Variants in RAB31 observed in about 807,000 individuals in gnomAD.
RAB31 encodes the protein RAB31, member RAS oncogene family.
A neutral mutation model predicts 25.6 loss-of-function variants in RAB31; 21 were observed. The ratio of observed to expected loss-of-function variants is 0.82; its 90% CI spans 0.58 to 1.18. The LOEUF is 1.18. RAB31 is among the 50% of genes most tolerant of loss of function. The pLI is 0.00. For synonymous variants in RAB31, 87 were observed against 84.0 expected, an observed-to-expected ratio of 1.04 and a Z score of -0.20; for missense variants, 196 against 250.1, an observed-to-expected ratio of 0.78 and a Z score of 1.46.
intron 5 of RAB31, among the ~76,000 whole-genome samples, chr18:9,832,505 C>T (rs558554247): frequency 2.6e-5 from 4 of 152,304 alleles, no homozygotes; most frequent in East Asian, 3.9e-4. Flanking sequence ...CAAGAAATTA[C>T]GAGACGGAAG....
intron 5 of RAB31, among the ~76,000 whole-genome samples, chr18:9,826,185 T>C (rs576236790): frequency 7.6e-6 from 1 of 130,808 alleles, no homozygotes; most frequent in East Asian, 2.6e-4. Flanking sequence ...AAGACCAGCC[T>C]GGCCAACATG....
chr18:9,768,586 C>G (rs1280137012), intron 1 of RAB31, among the ~76,000 whole-genome samples: 1 of 151,854 alleles, frequency 6.6e-6, no homozygotes, highest in African/African-American at 2.4e-5. Context: ...TTTGTAGATT[C>G]TGGATATTAG....
rs1050766532 is a variant in RAB31 at position 9,845,697 on chromosome 18, T to A, written c.490+6T>A. On this transcript the variant is annotated splice_donor_region_variant and intron_variant, in intron 6 of 6. Coordinates refer to ENST00000578921, the MANE Select transcript of RAB31 (RefSeq NM_006868.4). ...AGAGCTCTTTCAAGGAATCAGTAAGTACCTGAAATTGGGTTTTCAGCCCAA... is the reference window on the plus strand; with the variant it reads ...AGAGCTCTTTCAAGGAATCAGTAAGAACCTGAAATTGGGTTTTCAGCCCAA... 6.5e-7 allele frequency: 1 copy of A among 1,538,004 alleles called. No homozygotes were observed. The highest frequency in any genetic ancestry group is 8.7e-7 in the Non-Finnish European group (1 of 1,143,774).
intron 5 of RAB31, among the ~76,000 whole-genome samples, chr18:9,832,444 G>A (rs2068683577): frequency 6.6e-6 from 1 of 152,202 alleles, no homozygotes; most frequent in African/African-American, 2.4e-5. Context: ...GCAAACCGTG[G>A]ACGATCTGAA....
rs149782731 is a variant in RAB31 at position 9,712,818 on chromosome 18, A to G, written c.39+4374A>G. 1.5e-3 allele frequency among the ~76,000 whole-genome samples: 228 copies of G among 152,356 alleles called. 1 individual carries two copies. The highest frequency in any genetic ancestry group is 5.3e-3 in the African/African-American group (220 of 41,582). ...TTTGGACTTTGGTTGTCTTGACAAC[A>G]ATTTAGAAATTCCTACCACTTCCTC... On this transcript the variant is annotated intron_variant, in intron 1 of 6. Coordinates refer to ENST00000578921, the MANE Select transcript of RAB31 (RefSeq NM_006868.4).
Position 9,708,523 on chromosome 18 carries a change from C to A in RAB31, c.39+79C>A. 1 of 1,297,552 alleles carries A rather than the reference C, an allele frequency of 7.7e-7. No individual in the cohort carries two copies. Among genetic ancestry groups the A allele is most frequent in the South Asian group, 1.4e-5 (1 of 69,802 alleles). The allele number at this position is 1,297,552 out of a possible 1,614,324, so 80.4% of individuals were successfully genotyped here. On this transcript the variant is annotated intron_variant, in intron 1 of 6. Transcript: ENST00000578921. This position sits in a 1 kb window ranked among gnomAD's most constrained non-coding sequence, Gnocchi z 6.4. Reference sequence around the variant, plus strand: ...TTCGCTCCCCTATTCCCTGCGCGCTCAGTCCCCGTGATCCCCTCGCTCTCC... The same window carrying A: ...TTCGCTCCCCTATTCCCTGCGCGCTAAGTCCCCGTGATCCCCTCGCTCTCC...
chr18:9,765,269 T>C (rs940476023), intron 1 of RAB31, among the ~76,000 whole-genome samples: 2 of 152,210 alleles, frequency 1.3e-5, no homozygotes, highest in African/African-American at 4.8e-5. Flanking sequence ...GAGCTTTTTA[T>C]TGATACTGTG....
chr18:9,830,302 C>A (rs182171675), intron 5 of RAB31: 1 of 152,086 alleles, frequency 6.6e-6, no homozygotes, highest in East Asian at 1.9e-4. Context: ...AATGAAACAC[C>A]GCACCCAGTT....
chr18:9,800,468 G>A (rs922031684), intron 3 of RAB31, among the ~76,000 whole-genome samples: 2 of 152,110 alleles, frequency 1.3e-5, no homozygotes, highest in Non-Finnish European at 2.9e-5. Context: ...TGGCTCAGAC[G>A]GCCCCTCCCC....
chr18:9,782,010 G>C (rs986843129), intron 2 of RAB31, among the ~76,000 whole-genome samples: 4 of 152,182 alleles, frequency 2.6e-5, no homozygotes, highest in African/African-American at 9.6e-5. Flanking sequence ...TTGCATTCCT[G>C]GTTTCTCTTG....
In RAB31 at chr18:9,708,645, GCCCCTCGCTCTCCGCA is replaced by G. The variant is rs947328125; in HGVS notation, c.39+206_39+221del. 7.4e-5 allele frequency among the ~76,000 whole-genome samples: 11 copies of G among 149,308 alleles called. No individual in the cohort carries two copies. The highest frequency in any genetic ancestry group is 2.7e-4 in the African/African-American group (11 of 40,464). ...AGTCCGTGCGCCCCTCGCTCTCCGC[GCCCCTCGCTCTCCGCA>G]CCCCGCCTGTTCTCCGCCTCCCCGC... is the stretch of plus-strand genomic sequence containing the variant. On this transcript the variant is annotated intron_variant, in intron 1 of 6. Transcript: ENST00000578921. This position sits in a 1 kb window ranked among gnomAD's most constrained non-coding sequence, Gnocchi z 6.4.
At chr18:9,770,125 A>T (rs2068336612) in intron 1 of RAB31, among the ~76,000 whole-genome samples, 1 of 152,222 alleles carries the variant, frequency 6.6e-6, no homozygotes, top group Admixed American at 6.5e-5. Context: ...GTTGGTGTTC[A>T]TCAGGGATAT....
chr18:9,859,241 A>C lies in RAB31; in HGVS notation c.504A>C (p.Pro168=). The C allele has an allele frequency of 6.2e-7, 1 of 1,613,726 alleles. No individual in the cohort carries two copies. The highest frequency in any genetic ancestry group is 8.5e-7 in the Non-Finnish European group (1 of 1,179,674). Residue 168 remains proline (P), a synonymous_variant, in exon 7 of 7, where the codon CCA becomes CCC. Coordinates refer to ENST00000578921, the MANE Select transcript of RAB31 (RefSeq NM_006868.4). ...TTTTTGTTGCAGGCCGCCAGATCCC[A>C]CCCTTGGACCCCCATGAAAATGGAA... The part of the protein sequence containing the change: ...ELFQGISRQI[P]PLDPHENGNN...
chr18:9,808,431 A>C (rs974194704), intron 3 of RAB31, among the ~76,000 whole-genome samples: 11 of 152,214 alleles, frequency 7.2e-5, no homozygotes, highest in African/African-American at 2.7e-4. Context: ...GTTTTAGGAC[A>C]TCTGAGTAGG....
At chr18:9,808,074 T>C (rs1168775392) in intron 3 of RAB31, among the ~76,000 whole-genome samples, 2 of 152,222 alleles carry the variant, frequency 1.3e-5, no homozygotes, top group Non-Finnish European at 2.9e-5. Context: ...TAAATGAGGC[T>C]TGCAGCACAT....
chr18:9,748,599 A>AAAT (rs1568168783), intron 1 of RAB31, among the ~76,000 whole-genome samples: 204 of 151,044 alleles, frequency 1.4e-3, no homozygotes, highest in African/African-American at 4.7e-3. Flanking sequence ...TTGATATTTA[A>AAAT]AAATATAAGG....
intron 1 of RAB31, among the ~76,000 whole-genome samples, chr18:9,738,944 A>T (rs2068163995): frequency 6.6e-6 from 1 of 152,204 alleles, no homozygotes; most frequent in Admixed American, 6.5e-5. Context: ...GTGTCCGCTG[A>T]AGAATCAGTG....
intron 1 of RAB31, among the ~76,000 whole-genome samples, chr18:9,754,647 TGTATAG>T (rs1393691569): frequency 6.6e-6 from 1 of 152,222 alleles, no homozygotes; most frequent in African/African-American, 2.4e-5. Flanking sequence ...GCATTTATGT[TGTATAG>T]GTATTATAAG....
intron 1 of RAB31, chr18:9,757,946 A>G (rs1221718413): frequency 6.6e-6 from 1 of 152,242 alleles, no homozygotes; most frequent in Non-Finnish European, 1.5e-5. Flanking sequence ...TGTACTTACC[A>G]TAAATCTTGT....
Sources: allele counts gnomAD v4.1 joint callset (sites outside exome capture counted in the v4.1 genomes callset), GRCh38; gene constraint gnomAD v4.1.1; non-coding constraint Gnocchi (gnomAD v3.1); transcripts MANE v1.5; gene names NCBI Gene and HGNC (gene_info 2026-07-23, HGNC 2026-07-21).